LRMDA: variants seen among roughly 807,000 people sequenced by gnomAD.
LRMDA encodes the protein leucine rich melanocyte differentiation associated.
In LRMDA, 18 loss-of-function variants were observed where a neutral mutation model predicts 29.8. The observed-to-expected ratio is 0.60, with a 90% CI of 0.42 to 0.90. The LOEUF (loss-of-function observed/expected upper bound fraction) is 0.90, where lower values mean the gene tolerates loss of function less well. Ranked by LOEUF, LRMDA falls within the 40% of genes least tolerant of loss-of-function variation. The pLI is 0.00. For missense variants in LRMDA, 273 were observed against 273.9 expected, an observed-to-expected ratio of 1.00 and a Z score of 0.02; for synonymous variants, 125 against 109.4, an observed-to-expected ratio of 1.14 and a Z score of -0.89.
At chr10:75,945,040 T>C (rs1468393893) in intron 2 of LRMDA, among the ~76,000 whole-genome samples, 1 of 152,206 alleles carries the variant, frequency 6.6e-6, no homozygotes, top group Non-Finnish European at 1.5e-5. Context: ...CCTATTCTTA[T>C]GTTGTCTAGT....
intron 6 of LRMDA, among the ~76,000 whole-genome samples, chr10:76,406,585 G>A (rs1841904058): frequency 6.6e-6 from 1 of 152,142 alleles, no homozygotes; most frequent in South Asian, 2.1e-4. Flanking sequence ...TGACCACAGT[G>A]GTCCTTCTCA....
intron 2 of LRMDA, among the ~76,000 whole-genome samples, chr10:76,033,622 T>C (rs1258200787): frequency 6.6e-6 from 1 of 152,130 alleles, no homozygotes. Flanking sequence ...ATCAGAAGAA[T>C]CTAATATTTG....
intron 2 of LRMDA, chr10:75,782,708 A>G (rs1347448354): frequency 2.2e-5 from 28 of 1,270,548 alleles, no homozygotes; most frequent in Non-Finnish European, 2.6e-5. Flanking sequence ...AAAGCCAGGC[A>G]CTTGTGAGAT....
chr10:76,112,236 A>G (rs1849591470), intron 5 of LRMDA, among the ~76,000 whole-genome samples: 1 of 152,042 alleles, frequency 6.6e-6, no homozygotes, highest in South Asian at 2.1e-4. Flanking sequence ...CCACCGGGCA[A>G]CTTCCCTTCT....
At chr10:75,511,424 C>T (rs1452517605) in intron 2 of LRMDA, among the ~76,000 whole-genome samples, 2 of 152,198 alleles carry the variant, frequency 1.3e-5, no homozygotes, top group Non-Finnish European at 2.9e-5. Context: ...TACTGTGGGA[C>T]TGTGAGCCCG....
At chr10:76,544,710 GCACACACACACACACACACA>G (rs71028204) in intron 6 of LRMDA, among the ~76,000 whole-genome samples, 3 of 145,300 alleles carry the variant, frequency 2.1e-5, no homozygotes, top group Admixed American at 6.9e-5. Flanking sequence ...ATATATACAT[GCACACACACACACACACACA>G]CACACACACA....
intron 5 of LRMDA, among the ~76,000 whole-genome samples, chr10:76,169,194 T>A (rs1016148753): frequency 2.0e-4 from 31 of 152,198 alleles, no homozygotes; most frequent in Non-Finnish European, 4.1e-4. Context: ...CTGATAGGAT[T>A]CTTCGGCATA....
intron 5 of LRMDA, among the ~76,000 whole-genome samples, chr10:76,161,444 C>T (rs1044320945): frequency 4.6e-5 from 7 of 152,130 alleles, no homozygotes; most frequent in Admixed American, 1.3e-4. Context: ...GTGCTAGAGC[C>T]GGTCTTTCTT....
At chr10:75,979,553 G>A (rs552892064) in intron 2 of LRMDA, among the ~76,000 whole-genome samples, 1 of 152,266 alleles carries the variant, frequency 6.6e-6, no homozygotes, top group South Asian at 2.1e-4. Flanking sequence ...CTTAGTCTAG[G>A]ATAGGGTTAA....
At chr10:75,570,512 G>A (rs1470918431) in intron 2 of LRMDA, among the ~76,000 whole-genome samples, 1 of 152,184 alleles carries the variant, frequency 6.6e-6, no homozygotes, top group East Asian at 1.9e-4. Flanking sequence ...TGAGCAGGGA[G>A]TAGAGGAAGG....
intron 6 of LRMDA, among the ~76,000 whole-genome samples, chr10:76,541,840 A>G (rs2637252): frequency 0.77 from 117,649 of 152,030 alleles, 45,996 homozygotes; most frequent in Non-Finnish European, 0.83. Context: ...AATTTCAAGC[A>G]CTTCCCTGTC....
intron 2 of LRMDA, among the ~76,000 whole-genome samples, chr10:75,660,078 T>C (rs562884392): frequency 6.6e-6 from 1 of 152,192 alleles, no homozygotes; most frequent in African/African-American, 2.4e-5. Context: ...TCCCTCTCTC[T>C]CTCTCTTTAC....
intron 3 of LRMDA, among the ~76,000 whole-genome samples, chr10:76,039,078 C>A (rs571352616): frequency 6.6e-6 from 1 of 152,340 alleles, no homozygotes; most frequent in South Asian, 2.1e-4. Context: ...TCTAACAGCA[C>A]AAGCCCCATA....
intron 2 of LRMDA, among the ~76,000 whole-genome samples, chr10:75,564,132 A>C (rs923222435): frequency 3.9e-5 from 6 of 152,246 alleles, no homozygotes; most frequent in African/African-American, 1.4e-4. Flanking sequence ...CCCTGCCCCT[A>C]GAGGTGGAGC....
chr10:76,228,451 A>G (rs759014279), intron 5 of LRMDA, among the ~76,000 whole-genome samples: 4 of 152,186 alleles, frequency 2.6e-5, no homozygotes, highest in Non-Finnish European at 4.4e-5. Flanking sequence ...GATGAAGTTC[A>G]TACTCAAATC....
intron 5 of LRMDA, among the ~76,000 whole-genome samples, chr10:76,133,560 A>T (rs550355438): frequency 6.6e-6 from 1 of 151,576 alleles, no homozygotes; most frequent in Non-Finnish European, 1.5e-5. Flanking sequence ...GTGGAGAGCG[A>T]GGAGGGGCCT....
At chr10:75,893,505 G>T (rs1589243828) in intron 2 of LRMDA, among the ~76,000 whole-genome samples, 1 of 152,352 alleles carries the variant, frequency 6.6e-6, no homozygotes, top group African/African-American at 2.4e-5. Context: ...GTATTAGTTT[G>T]AAAGCGGAAG....
intron 2 of LRMDA, among the ~76,000 whole-genome samples, chr10:75,718,308 G>T (rs866223347): frequency 6.6e-6 from 1 of 152,174 alleles, no homozygotes; most frequent in African/African-American, 2.4e-5. Flanking sequence ...ATTTTGTCTG[G>T]AACCAATGGG....
chr10:76,166,618 C>T (rs1188753559), intron 5 of LRMDA, among the ~76,000 whole-genome samples: 1 of 152,182 alleles, frequency 6.6e-6, no homozygotes, highest in Non-Finnish European at 1.5e-5. Flanking sequence ...TGGCCTCCAG[C>T]TTCATCCATG....
Sources: gnomAD v4.1 joint callset for allele counts (sites outside exome capture counted in the v4.1 genomes callset) on GRCh38, gnomAD v4.1.1 for gene constraint, MANE v1.5 for transcripts, NCBI Gene and HGNC (gene_info 2026-07-23, HGNC 2026-07-21) for gene names.